Variants in C4BPA observed in about 807,000 individuals in gnomAD.
C4BPA encodes the protein C4b-binding protein alpha chain.
A neutral mutation model predicts 63.7 loss-of-function variants in C4BPA; 31 were observed. That is an observed-to-expected ratio of 0.49 (90% CI 0.37 to 0.66). The LOEUF is 0.66. C4BPA is among the 30% of genes least tolerant of loss of function. The pLI is 0.00. For synonymous variants in C4BPA, 259 were observed against 254.7 expected (o/e 1.02, Z -0.16); for missense variants, 572 against 723.3 (o/e 0.79, Z 2.40).
chr1:207,142,690 T>C (rs1301348582), intron 10 of C4BPA, among the ~76,000 whole-genome samples: 2 of 152,218 alleles, frequency 1.3e-5, no homozygotes, highest in Non-Finnish European at 2.9e-5. Context: ...TATTTTTTCA[T>C]AGGTCTGTTG....
chr1:207,133,631 C>G (rs964703917), intron 8 of C4BPA, among the ~76,000 whole-genome samples: 1 of 152,074 alleles, frequency 6.6e-6, no homozygotes, highest in Non-Finnish European at 1.5e-5. Context: ...GGTGTGGTGG[C>G]ACACACCTGT....
Position 207,113,972 on chromosome 1 carries a change from T to A in C4BPA, c.143-128T>A, listed in dbSNP as rs754199209. 7 of 717,020 alleles carry A rather than the reference T, an allele frequency of 9.8e-6. No homozygotes were observed. In the East Asian group the frequency reaches 1.8e-4, roughly 18 times the overall value. The allele number at this position is 717,020 out of a possible 1,614,324, so 44.4% of individuals were successfully genotyped here. ...TGAACAGAGAGTATAATAGGAGTTATGATTTTTCTTGACTAGAGATCATTC... is the reference window on the plus strand; with the variant it reads ...TGAACAGAGAGTATAATAGGAGTTAAGATTTTTCTTGACTAGAGATCATTC... On this transcript the variant is annotated intron_variant, in intron 2 of 11. Transcript: ENST00000367070.
chr1:207,125,800 C>G (rs1488695165), intron 6 of C4BPA, among the ~76,000 whole-genome samples: 1 of 152,150 alleles, frequency 6.6e-6, no homozygotes, highest in South Asian at 2.1e-4. Context: ...TAAGACAGCA[C>G]CTGTGCAACC....
chr1:207,124,096 C>T (rs867987239), intron 5 of C4BPA, 79 bp from the exon 6 acceptor site: 242 of 1,496,898 alleles, frequency 1.6e-4, no homozygotes, highest in Admixed American at 2.4e-4. Context: ...TGTGTACCTT[C>T]CATTAGAATT....
At chr1:207,118,202 A>ATCATCTG (rs1385046005) in intron 4 of C4BPA, among the ~76,000 whole-genome samples, 148 of 139,212 alleles carry the variant, frequency 1.1e-3, no homozygotes, top group African/African-American at 1.4e-3. Context: ...TCATCTATCT[A>ATCATCTG]TCTATCATCT....
intron 4 of C4BPA, among the ~76,000 whole-genome samples, chr1:207,118,208 C>CTATCTATCTATCT (rs778906295): frequency 1.3e-5 from 1 of 74,394 alleles, no homozygotes; most frequent in South Asian, 4.6e-4. Context: ...ATCTATCTAT[C>CTATCTATCTATCT]ATCTGTCTAT....
intron 10 of C4BPA, 45 bp from the exon 11 acceptor site, chr1:207,143,773 T>G (rs138079943): frequency 7.4e-7 from 1 of 1,358,174 alleles, no homozygotes; most frequent in African/African-American, 1.4e-5. Context: ...ATCATGTCCT[T>G]CTTCATAGAT....
rs1684704072 is a variant in C4BPA, at chr1:207,113,099, T to A, written c.74T>A (p.Leu25Gln). The A allele has an allele frequency of 6.2e-7, 1 of 1,610,916 alleles. No individual in the cohort carries two copies. The highest frequency in any genetic ancestry group is 8.5e-7 in the Non-Finnish European group (1 of 1,178,748). The part of the protein sequence containing the change: ...RKMAAWPFSR[L>Q]WKVSDPILFQ... ...ATGGCAGCCTGGCCCTTCTCCAGGC[T>A]GTGGAAAGTCTCTGATCCAATTCTC... Residue 25 changes from leucine (L) to glutamine (Q), a missense_variant, in exon 2 of 12, where the codon CTG (leucine) becomes CAG (glutamine). By Grantham distance (113) the Leu-to-Gln change is moderately radical (BLOSUM62 -2). This residue lies in a region of C4BPA where 107 missense variants were observed against 93.9 expected (regional missense o/e 1.14). Transcript: ENST00000367070.
At chr1:207,143,280 A>G (rs949691435) in intron 10 of C4BPA, among the ~76,000 whole-genome samples, 3 of 151,996 alleles carry the variant, frequency 2.0e-5, no homozygotes, top group Non-Finnish European at 2.9e-5. Context: ...GTGGGAGCTG[A>G]AAAATGAGAA....
intron 7 of C4BPA, 38 bp downstream of exon 7, chr1:207,126,933 T>C (rs771343239): frequency 1.9e-6 from 3 of 1,541,082 alleles, no homozygotes; most frequent in Non-Finnish European, 2.7e-6. Flanking sequence ...ATGTTTGGCA[T>C]CTAAAGGTAC....
Position 207,131,576 on chromosome 1 carries a change from A to G in C4BPA, c.920A>G (p.His307Arg), listed in dbSNP as rs1685160664. 3 of 1,612,106 alleles carry G rather than the reference A, an allele frequency of 1.9e-6. No homozygotes were observed. Among genetic ancestry groups the G allele is most frequent in the Non-Finnish European group, 2.5e-6 (3 of 1,178,602 alleles). ...TGTATTAATTTACCAGACATTCCAC[A>G]TGCTTCCTGGGAAACATATCCTAGG... ...NSCINLPDIP[H>R]ASWETYPRPT... is the part of the protein sequence containing the mutation. The change falls in exon 8 of 12, where the codon CAT becomes CGT. Residue 307 changes from histidine to arginine, a missense_variant. Transcript: ENST00000367070.
intron 1 of C4BPA, among the ~76,000 whole-genome samples, chr1:207,109,689 C>T (rs1177106192): frequency 6.6e-6 from 1 of 152,198 alleles, no homozygotes; most frequent in African/African-American, 2.4e-5. Context: ...TTCCTCATCA[C>T]AGTGTAGGGT....
In C4BPA at chr1:207,126,732, A is replaced by C; in HGVS notation, c.726A>C (p.Pro242=). 1 of 1,609,804 alleles carries C rather than the reference A, an allele frequency of 6.2e-7. No homozygotes were observed. Among genetic ancestry groups the C allele is most frequent in the South Asian group, 1.1e-5 (1 of 90,234 alleles). Residue 242 remains proline (P), a synonymous_variant, in exon 7 of 12, where the codon CCA becomes CCC. Transcript: ENST00000367070. ...CTTTAGAAATCACCTGTCGCAAGCC[A>C]GATGTTTCACATGGGGAAATGGTCT... ...PTCEKITCRK[P]DVSHGEMVSG...
At chr1:207,111,373 G>T (rs1362785867) in intron 1 of C4BPA, among the ~76,000 whole-genome samples, 1 of 152,232 alleles carries the variant, frequency 6.6e-6, no homozygotes, top group African/African-American at 2.4e-5. Context: ...TGCTCGTTAG[G>T]TGAATTTACG....
At chr1:207,118,625 C>T (rs1052768723) in intron 4 of C4BPA, among the ~76,000 whole-genome samples, 2 of 152,168 alleles carry the variant, frequency 1.3e-5, no homozygotes, top group African/African-American at 2.4e-5. Context: ...TCCCATGACA[C>T]ATGGGGATTA....
intron 7 of C4BPA, among the ~76,000 whole-genome samples, chr1:207,129,047 T>C (rs1685108020): frequency 6.6e-6 from 1 of 152,116 alleles, no homozygotes; most frequent in Admixed American, 6.6e-5. Context: ...TTTAAAGAAT[T>C]AAGTAAATGT....
chr1:207,115,551 A>G (rs976279530), intron 4 of C4BPA, 36 bp downstream of exon 4: 3 of 1,157,932 alleles, frequency 2.6e-6, no homozygotes, highest in Admixed American at 2.7e-5. Context: ...ATTCTTTTAT[A>G]TTTATTTAAA....
intron 8 of C4BPA, among the ~76,000 whole-genome samples, chr1:207,133,322 C>T (rs1685201070): frequency 6.6e-6 from 1 of 152,198 alleles, no homozygotes. Context: ...CATTTTAATA[C>T]TGGTCGAGTT....
At chr1:207,131,167 G>A (rs1253144689) in intron 7 of C4BPA, among the ~76,000 whole-genome samples, 1 of 152,168 alleles carries the variant, frequency 6.6e-6, no homozygotes, top group African/African-American at 2.4e-5. Flanking sequence ...CTGGATGAGG[G>A]GAACGGCTCC....
Sources: allele counts gnomAD v4.1 joint callset (sites outside exome capture counted in the v4.1 genomes callset), GRCh38; gene constraint gnomAD v4.1.1; regional missense constraint gnomAD v4.1.1; transcripts MANE v1.5; gene names NCBI Gene and HGNC (gene_info 2026-07-23, HGNC 2026-07-21).